Variants in NELL2 observed in about 807,000 individuals in gnomAD.
NELL2 encodes the protein neural EGFL like 2.
In NELL2, 41 loss-of-function variants were observed where a neutral mutation model predicts 109.6. The ratio of observed to expected loss-of-function variants is 0.37; its 90% CI spans 0.29 to 0.49. NELL2 has a LOEUF of 0.49. Among genes scored for constraint, NELL2 ranks in the 20% least tolerant of loss-of-function variants. NELL2 has a pLI of 0.98. For missense variants in NELL2, 900 were observed against 1,008.3 expected, an observed-to-expected ratio of 0.89 and a Z score of 1.45; for synonymous variants, 355 against 344.7, an observed-to-expected ratio of 1.03 and a Z score of -0.33.
intron 2 of NELL2, among the ~76,000 whole-genome samples, chr12:44,863,163 C>T (rs1566553717): frequency 6.6e-6 from 1 of 150,748 alleles, no homozygotes; most frequent in Non-Finnish European, 1.5e-5. Flanking sequence ...TCTTATTGTT[C>T]AGCTCCCAAT....
At chr12:44,598,424 T>C (rs762906397) in intron 15 of NELL2, among the ~76,000 whole-genome samples, 1 of 152,052 alleles carries the variant, frequency 6.6e-6, no homozygotes, top group African/African-American at 2.4e-5. Context: ...CCTCATAAAC[T>C]TCATATCATT....
In NELL2 at chr12:44,750,336, T is replaced by C. The variant is rs146877240; in HGVS notation, c.994+24411A>G. ...GGTACATTCTTTTAAAATTACATGT[T>C]AGGACAAATTATTTGGAGACTTTCA... On this transcript the variant is annotated intron_variant, in intron 9 of 19. Transcript: ENST00000429094. Among the ~76,000 whole-genome samples, 478 of 152,278 alleles carry C rather than the reference T, an allele frequency of 3.1e-3. 4 individuals are homozygous for C. The highest frequency in any genetic ancestry group is 0.011 in the African/African-American group (452 of 41,570).
intron 15 of NELL2, among the ~76,000 whole-genome samples, chr12:44,593,502 A>G (rs1944836028): frequency 6.6e-6 from 1 of 152,128 alleles, no homozygotes; most frequent in African/African-American, 2.4e-5. Flanking sequence ...TAGCTATGTC[A>G]CCTTTGGCAA....
At chr12:44,895,825 A>C (rs1945587005) in intron 1 of NELL2, among the ~76,000 whole-genome samples, 1 of 152,164 alleles carries the variant, frequency 6.6e-6, no homozygotes, top group Admixed American at 6.5e-5. Context: ...CTTTAGTGAC[A>C]TTATATCAAC....
Position 44,721,808 on chromosome 12 carries a change from A to C in NELL2, c.995-7067T>G, listed in dbSNP as rs1468701883. 7.9e-5 allele frequency among the ~76,000 whole-genome samples: 12 copies of C among 152,278 alleles called. No individual in the cohort carries two copies. In the East Asian group the frequency reaches 1.9e-3, roughly 25 times the overall value. ...AAAAGTGATTTTGCTCTTTTATAAC[A>C]GTTTCTGGTGTGCAGGTAAAACAAA... On this transcript the variant is annotated intron_variant, in intron 9 of 19. Coordinates refer to ENST00000429094, the MANE Select transcript of NELL2 (RefSeq NM_001145108.2).
intron 13 of NELL2, among the ~76,000 whole-genome samples, chr12:44,631,192 T>C (rs1330827667): frequency 6.7e-6 from 1 of 150,010 alleles, no homozygotes. Flanking sequence ...TTCTCTAACA[T>C]ATAAAGGTGA....
intron 15 of NELL2, among the ~76,000 whole-genome samples, chr12:44,564,319 G>A (rs1465871521): frequency 6.6e-6 from 1 of 152,146 alleles, no homozygotes; most frequent in Non-Finnish European, 1.5e-5. Context: ...ATTCTTTATT[G>A]AGGATAAATA....
intron 12 of NELL2, among the ~76,000 whole-genome samples, chr12:44,670,707 T>C (rs1373866813): frequency 5.3e-5 from 8 of 151,832 alleles, no homozygotes; most frequent in Non-Finnish European, 1.5e-5. Flanking sequence ...AGGGCCAAAG[T>C]AGGTCAATAT....
intron 9 of NELL2, among the ~76,000 whole-genome samples, chr12:44,726,957 A>G (rs551235237): frequency 1.6e-4 from 24 of 152,220 alleles, no homozygotes; most frequent in African/African-American, 5.8e-4. Flanking sequence ...ATTTCTTTTA[A>G]TTTTTAACAG....
chr12:44,670,970 T>C (rs586188), intron 12 of NELL2, among the ~76,000 whole-genome samples: 49,355 of 151,940 alleles, frequency 0.32, 8,423 homozygotes, highest in East Asian at 0.5. Context: ...CAGAAAATTT[T>C]ACCCAATAGT....
intron 15 of NELL2, among the ~76,000 whole-genome samples, chr12:44,594,370 T>C (rs1435411021): frequency 1.3e-5 from 2 of 152,064 alleles, no homozygotes. Context: ...TGAAAACACC[T>C]ATGTGAGCAA....
At chr12:44,615,816 A>ATAATT (rs1945799421) in intron 13 of NELL2, among the ~76,000 whole-genome samples, 1 of 152,146 alleles carries the variant, frequency 6.6e-6, no homozygotes, top group South Asian at 2.1e-4. Context: ...TTCTTAAGGC[A>ATAATT]AAGGACAGAC....
intron 9 of NELL2, among the ~76,000 whole-genome samples, chr12:44,766,614 TC>T (rs559045259): frequency 1.1e-4 from 16 of 152,320 alleles, no homozygotes; most frequent in African/African-American, 3.6e-4. Context: ...TGAGTGTTTT[TC>T]TTCTCTCTTA....
In NELL2 at chr12:44,610,928, T is replaced by C; in HGVS notation, c.1487A>G (p.Asn496Ser). The change falls in exon 14 of 20, where the codon AAT (asparagine) becomes AGT (serine). Residue 496 changes from asparagine (N) to serine (S), a missense_variant. Physicochemically the swap from Asn to Ser is conservative, Grantham distance 46. This residue lies in a region of NELL2 where 333 missense variants were observed against 432.3 expected (regional missense o/e 0.77). Transcript: ENST00000429094. ...TCCAACAGTGTTGAAGCATAAAGCA[T>C]TTTCATCACAGTTGTGCTGATTTGT... The part of the protein sequence containing the change: ...CITNQHNCDE[N>S]ALCFNTVGGH... The C allele has an allele frequency of 6.2e-7, 1 of 1,612,980 alleles. No homozygotes were observed. Among genetic ancestry groups the C allele is most frequent in the Non-Finnish European group, 8.5e-7 (1 of 1,179,248 alleles).
At chr12:44,876,957 C>T (rs1255300641), upstream of NELL2, 8 of 1,138,130 alleles carry the variant, frequency 7.0e-6, no homozygotes, top group Non-Finnish European at 8.9e-6. Flanking sequence ...GAGAGCTTCC[C>T]GGGCGCGGAG....
At chr12:44,625,406 C>T (rs1231181805) in intron 13 of NELL2, among the ~76,000 whole-genome samples, 1 of 152,064 alleles carries the variant, frequency 6.6e-6, no homozygotes, top group East Asian at 1.9e-4. Context: ...CAAGTAAAAA[C>T]AATATATATG....
intron 19 of NELL2, among the ~76,000 whole-genome samples, chr12:44,515,812 C>A (rs1431393434): frequency 6.6e-6 from 1 of 151,914 alleles, no homozygotes; most frequent in African/African-American, 2.4e-5. Flanking sequence ...CCTTGCCACT[C>A]TTCATGCTAA....
intron 1 of NELL2, among the ~76,000 whole-genome samples, chr12:44,920,712 G>T (rs1412343177): frequency 6.6e-6 from 1 of 152,208 alleles, no homozygotes; most frequent in Admixed American, 6.5e-5. Flanking sequence ...ATACCAACAT[G>T]TCTACAATAT....
chr12:44,912,579 T>A (rs1383997394), intron 1 of NELL2, among the ~76,000 whole-genome samples: 1 of 152,068 alleles, frequency 6.6e-6, no homozygotes, highest in Non-Finnish European at 1.5e-5. Flanking sequence ...ACTGGAGTAA[T>A]GGGGAAATCA....
Sources: allele counts gnomAD v4.1 joint callset (sites outside exome capture counted in the v4.1 genomes callset), GRCh38; gene constraint gnomAD v4.1.1; regional missense constraint gnomAD v4.1.1; transcripts MANE v1.5; gene names NCBI Gene and HGNC (gene_info 2026-07-23, HGNC 2026-07-21).